Variants in MISP3 observed in about 807,000 individuals in gnomAD.
MISP3 encodes uncharacterized protein MISP3.
Under a neutral mutation model 5.5 loss-of-function variants are expected in MISP3, and 9 were observed. That is an observed-to-expected ratio of 1.65 (90% CI 0.99 to 2.87). MISP3 has a LOEUF of 2.87. MISP3 is among the 30% of genes most tolerant of loss of function. The pLI is 0.00. For synonymous variants in MISP3, 87 were observed against 38.1 expected, an observed-to-expected ratio of 2.28 and a Z score of -4.73; for missense variants, 152 against 84.1, an observed-to-expected ratio of 1.81 and a Z score of -3.16.
chr19:14,074,836 ATGAAATCGACTTGCCTTTG>A lies in MISP3; in HGVS notation c.*120_*138del. 1 of 665,454 alleles carries A rather than the reference ATGAAATCGACTTGCCTTTG, an allele frequency of 1.5e-6. No homozygotes were observed. 41.2% of individuals were successfully genotyped at this position (665,454 alleles called of 1,614,324 possible). ...GGGTCGGCTCTCTGCATTGGGGAAG[ATGAAATCGACTTGCCTTTG>A]TGAAATTGACCAGCCCCCTCTATAA... On this transcript the variant is annotated 3_prime_UTR_variant, in exon 3 of 3. Transcript: ENST00000587086. The surrounding 1 kb of genome is among the most constrained non-coding windows in gnomAD (Gnocchi z 4.4).
chr19:14,073,522 G>A lies in MISP3; in HGVS notation c.213G>A (p.Arg71=), dbSNP rs1474693549. 2 of 323,128 alleles carry A rather than the reference G, an allele frequency of 6.2e-6. No individual in the cohort carries two copies. The highest frequency in any genetic ancestry group is 1.1e-5 in the Non-Finnish European group (2 of 179,998). The allele number at this position is 323,128 out of a possible 1,614,324, so 20.0% of individuals were successfully genotyped here. A position where few individuals can be genotyped will look rare whatever the true frequency, so the allele number is the denominator to read the frequency against. The change falls in exon 1 of 3, where the codon CGG becomes CGA. Residue 71 remains arginine (R), a synonymous_variant. Coordinates refer to ENST00000587086, the MANE Select transcript of MISP3 (RefSeq NM_001291291.2). The surrounding 1 kb of genome is among the most constrained non-coding windows in gnomAD (Gnocchi z 8.5). The part of the protein sequence containing the change: ...AGAQMQRDIE[R]EAHRQAALAR... ...CGCAGATGCAGCGGGACATCGAGCG[G>A]GAGGCCCACCGGCAGGCGGCGCTGG...
rs1484331314 is a variant in MISP3 at position 14,073,730 on chromosome 19, G to A, written c.421G>A (p.Val141Met). 1.5e-5 allele frequency: 10 copies of A among 682,802 alleles called. No individual in the cohort carries two copies. Among genetic ancestry groups the A allele is most frequent in the Non-Finnish European group, 2.7e-5 (10 of 376,440 alleles). The allele number at this position is 682,802 out of a possible 1,614,324, so 42.3% of individuals were successfully genotyped here. A position where few individuals can be genotyped will look rare whatever the true frequency, so the allele number is the denominator to read the frequency against. Reference sequence around the variant, plus strand: ...CTCGGCCGTGCAGGGCGGGTGCCGGGTGCTGGGCAGCGCCCCGCCGCCTTT... The same window carrying A: ...CTCGGCCGTGCAGGGCGGGTGCCGGATGCTGGGCAGCGCCCCGCCGCCTTT... Reference protein sequence around the residue: ...PRSAVQGGCRVLGSAPPPFTP... With the variant: ...PRSAVQGGCRMLGSAPPPFTP... Residue 141 changes from valine to methionine, a missense_variant, in exon 1 of 3, where the codon GTG (valine) becomes ATG (methionine). By Grantham distance (21) the Val-to-Met change is conservative. Transcript: ENST00000587086. The surrounding 1 kb of genome is among the most constrained non-coding windows in gnomAD (Gnocchi z 8.5).
In MISP3 at chr19:14,073,304, C is replaced by T. The variant is rs1340357201; in HGVS notation, c.-6C>T. On this transcript the variant is annotated 5_prime_UTR_variant, in exon 1 of 3. Coordinates refer to ENST00000587086, the MANE Select transcript of MISP3 (RefSeq NM_001291291.2). This position sits in a 1 kb window ranked among gnomAD's most constrained non-coding sequence, Gnocchi z 8.5. ...GGCTCCCCAGCGTCCCCCGGAGGAG[C>T]GGTTCATGGAGACGCCCATCGAGCG... is the stretch of plus-strand genomic sequence containing the variant. 8.6e-6 allele frequency: 6 copies of T among 695,928 alleles called. No homozygotes were observed. The highest frequency in any genetic ancestry group is 1.6e-5 in the Non-Finnish European group (6 of 380,612). The allele number at this position is 695,928 out of a possible 1,614,324, so 43.1% of individuals were successfully genotyped here. A position where few individuals can be genotyped will look rare whatever the true frequency, so the allele number is the denominator to read the frequency against.
chr19:14,073,424 G>T lies in MISP3; in HGVS notation c.115G>T (p.Val39Leu). ...AGGCCGTGAACTCGTCGAGCTGCGC[G>T]TGCGGCCGGTGCTCAACCTGCCGGG... The part of the protein sequence containing the change: ...RAGRELVELR[V>L]RPVLNLPGPG... The change falls in exon 1 of 3, where the codon GTG (valine) becomes TTG (leucine). Residue 39 changes from valine (V) to leucine (L), a missense_variant. Physicochemically the swap from Val to Leu is conservative, Grantham distance 32 (BLOSUM62 1). Transcript: ENST00000587086. This position sits in a 1 kb window ranked among gnomAD's most constrained non-coding sequence, Gnocchi z 8.5. 1.5e-6 allele frequency: 1 copy of T among 668,934 alleles called. No individual in the cohort carries two copies. The highest frequency in any genetic ancestry group is 2.7e-6 in the Non-Finnish European group (1 of 371,234). 41.4% of individuals were successfully genotyped at this position (668,934 alleles called of 1,614,324 possible). A position where few individuals can be genotyped will look rare whatever the true frequency, so the allele number is the denominator to read the frequency against.
rs1976656665 is a variant in MISP3 at position 14,074,489 on chromosome 19, T to G, written c.642+26T>G. ...GTGGGAGCCCCCTTACCCGTGTGCCTCTAGCGCTTGTCGGTCCCCCCACCC... is the reference window on the plus strand; with the variant it reads ...GTGGGAGCCCCCTTACCCGTGTGCCGCTAGCGCTTGTCGGTCCCCCCACCC... On this transcript the variant is annotated intron_variant, in intron 2 of 2. Coordinates refer to ENST00000587086, the MANE Select transcript of MISP3 (RefSeq NM_001291291.2). This position sits in a 1 kb window ranked among gnomAD's most constrained non-coding sequence, Gnocchi z 4.4. 5.7e-6 allele frequency: 4 copies of G among 698,312 alleles called. No homozygotes were observed. Among genetic ancestry groups the G allele is most frequent in the Non-Finnish European group, 1.0e-5 (4 of 382,238 alleles). The allele number at this position is 698,312 out of a possible 1,614,324, so 43.3% of individuals were successfully genotyped here. A position where few individuals can be genotyped will look rare whatever the true frequency, so the allele number is the denominator to read the frequency against.
Position 14,073,041 on chromosome 19 carries a change from T to G in MISP3, c.-269T>G. 5.4e-6 allele frequency: 3 copies of G among 552,618 alleles called. No individual in the cohort carries two copies. Among genetic ancestry groups the G allele is most frequent in the East Asian group, 4.3e-5 (1 of 23,474 alleles). The allele number at this position is 552,618 out of a possible 1,614,324, so 34.2% of individuals were successfully genotyped here. A position where few individuals can be genotyped will look rare whatever the true frequency, so the allele number is the denominator to read the frequency against. On this transcript the variant is annotated 5_prime_UTR_variant, in exon 1 of 3. Coordinates refer to ENST00000587086, the MANE Select transcript of MISP3 (RefSeq NM_001291291.2). The surrounding 1 kb of genome is among the most constrained non-coding windows in gnomAD (Gnocchi z 8.5). ...GTCCCCAAGCCCTCCGCAAAGGACG[T>G]GGAGATCCTGGAGCAAGAGAGCGAA...
rs983414244 is a variant in MISP3, at chr19:14,073,342, C to T, written c.33C>T (p.Arg11=). 4.3e-6 allele frequency: 3 copies of T among 699,884 alleles called. No homozygotes were observed. In the East Asian group the frequency reaches 8.1e-5, roughly 19 times the overall value. 43.4% of individuals were successfully genotyped at this position (699,884 alleles called of 1,614,324 possible). Residue 11 remains arginine, a synonymous_variant, in exon 1 of 3, where the codon CGC becomes CGT. Transcript: ENST00000587086. The surrounding 1 kb of genome is among the most constrained non-coding windows in gnomAD (Gnocchi z 8.5). ...CGCCCATCGAGCGCGAAATCCGCCG[C>T]AGCTGCGAACGCGAGGAGAGCCTGC... is the stretch of plus-strand genomic sequence containing the variant. METPIEREIR[R]SCEREESLRR... is the part of the protein sequence containing the mutation.
In MISP3 at chr19:14,073,840, C is replaced by T; in HGVS notation, c.531C>T (p.Gly177=). The T allele has an allele frequency of 1.4e-6, 1 of 701,966 alleles. No individual in the cohort carries two copies. Among genetic ancestry groups the T allele is most frequent in the Middle Eastern group, 2.3e-4 (1 of 4,360 alleles). The allele number at this position is 701,966 out of a possible 1,614,324, so 43.5% of individuals were successfully genotyped here. A position where few individuals can be genotyped will look rare whatever the true frequency, so the allele number is the denominator to read the frequency against. The part of the protein sequence containing the change: ...ELQRQRRSVY[G]TAEFKEPTPS... ...AGCGCCAGCGGCGCAGCGTCTATGG[C>T]ACCGCGGAGTTCAAGGAGCCTACGC... Residue 177 remains glycine, a synonymous_variant, in exon 1 of 3, where the codon GGC becomes GGT. Transcript: ENST00000587086. The surrounding 1 kb of genome is among the most constrained non-coding windows in gnomAD (Gnocchi z 8.5).
rs1976660051 is a variant in MISP3, at chr19:14,074,673, A to T, written c.643-33A>T. ...CCTGGATGCAGTGCGCAGGTCCCTG[A>T]GGCCGGCCTTCCTTCTGGTCCTCTG... On this transcript the variant is annotated intron_variant, in intron 2 of 2. Transcript: ENST00000587086. The surrounding 1 kb of genome is among the most constrained non-coding windows in gnomAD (Gnocchi z 4.4). 1 of 701,002 alleles carries T rather than the reference A, an allele frequency of 1.4e-6. No homozygotes were observed. The highest frequency in any genetic ancestry group is 2.6e-6 in the Non-Finnish European group (1 of 383,494). 43.4% of individuals were successfully genotyped at this position (701,002 alleles called of 1,614,324 possible).
At position 14,075,024 on chromosome 19, in the gene MISP3, A is replaced by C. The variant is rs1033357232; in HGVS notation, c.*301A>C. 5 of 317,174 alleles carry C rather than the reference A, an allele frequency of 1.6e-5. No individual in the cohort carries two copies. The highest frequency in any genetic ancestry group is 1.0e-4 in the East Asian group (2 of 19,336). 19.6% of individuals were successfully genotyped at this position (317,174 alleles called of 1,614,324 possible). A position where few individuals can be genotyped will look rare whatever the true frequency, so the allele number is the denominator to read the frequency against. On this transcript the variant is annotated 3_prime_UTR_variant, in exon 3 of 3. Transcript: ENST00000587086. ...CCGGAGTTACCGCCTCGATTGCCCC[A>C]CTCCCCCCACCCCCAATAAAGCCTC...
rs1161501104 is a variant in MISP3 at position 14,073,893 on chromosome 19, A to T, written c.568+16A>T. ...AGCCTCACCGGTAAGCCGCGGGCGT[A>T]GCAACGCCGGGACCCCCAGGGTTCC... On this transcript the variant is annotated intron_variant, in intron 1 of 2. Coordinates refer to ENST00000587086, the MANE Select transcript of MISP3 (RefSeq NM_001291291.2). The surrounding 1 kb of genome is among the most constrained non-coding windows in gnomAD (Gnocchi z 8.5). 1 of 666,486 alleles carries T rather than the reference A, an allele frequency of 1.5e-6. No individual in the cohort carries two copies. The highest frequency in any genetic ancestry group is 2.8e-5 in the East Asian group (1 of 36,180). 41.3% of individuals were successfully genotyped at this position (666,486 alleles called of 1,614,324 possible).
chr19:14,074,464 G>A lies in MISP3; in HGVS notation c.642+1G>A, dbSNP rs983980649. ...GGTCTCGGAGAACGGCCTGGAGCAG[G>A]TGGGAGCCCCCTTACCCGTGTGCCT... On this transcript the variant is annotated splice_donor_variant, in intron 2 of 2. Coordinates refer to ENST00000587086, the MANE Select transcript of MISP3 (RefSeq NM_001291291.2). LOFTEE classifies it high-confidence loss of function. The surrounding 1 kb of genome is among the most constrained non-coding windows in gnomAD (Gnocchi z 4.4). 3 of 702,528 alleles carry A rather than the reference G, an allele frequency of 4.3e-6. No individual in the cohort carries two copies. The African/African-American group carries it at 5.2e-5, about 12-fold the overall frequency. 43.5% of individuals were successfully genotyped at this position (702,528 alleles called of 1,614,324 possible). A position where few individuals can be genotyped will look rare whatever the true frequency, so the allele number is the denominator to read the frequency against.
Position 14,074,615 on chromosome 19 carries a change from C to T in MISP3, c.643-91C>T. On this transcript the variant is annotated intron_variant, in intron 2 of 2. Transcript: ENST00000587086. The surrounding 1 kb of genome is among the most constrained non-coding windows in gnomAD (Gnocchi z 4.4). ...ACGCATCCCCGGGGTGAAGAGGAGA[C>T]GGTGGTCTTGAGGCCCAAACCGCCA... 1 of 689,356 alleles carries T rather than the reference C, an allele frequency of 1.5e-6. No homozygotes were observed. Among genetic ancestry groups the T allele is most frequent in the East Asian group, 2.7e-5 (1 of 36,810 alleles). The allele number at this position is 689,356 out of a possible 1,614,324, so 42.7% of individuals were successfully genotyped here.
rs1245146421 is a variant in MISP3 at position 14,074,230 on chromosome 19, G to C, written c.569-160G>C. ...TTCGGGCTCCTGCTTCTCCATTCTGGGTTCACCTCCCTCCTCCCTCGGGTT... is the reference window on the plus strand; with the variant it reads ...TTCGGGCTCCTGCTTCTCCATTCTGCGTTCACCTCCCTCCTCCCTCGGGTT... On this transcript the variant is annotated intron_variant, in intron 1 of 2. Coordinates refer to ENST00000587086, the MANE Select transcript of MISP3 (RefSeq NM_001291291.2). The surrounding 1 kb of genome is among the most constrained non-coding windows in gnomAD (Gnocchi z 4.4). The C allele has an allele frequency of 1.7e-6, 1 of 603,974 alleles. No individual in the cohort carries two copies. Among genetic ancestry groups the C allele is most frequent in the Non-Finnish European group, 3.0e-6 (1 of 338,244 alleles). The allele number at this position is 603,974 out of a possible 1,614,324, so 37.4% of individuals were successfully genotyped here.
Position 14,074,332 on chromosome 19 carries a change from G to A in MISP3, c.569-58G>A, listed in dbSNP as rs1174002556. On this transcript the variant is annotated intron_variant, in intron 1 of 2. Coordinates refer to ENST00000587086, the MANE Select transcript of MISP3 (RefSeq NM_001291291.2). The surrounding 1 kb of genome is among the most constrained non-coding windows in gnomAD (Gnocchi z 4.4). ...CGCCTGTGTGTGTTTAAGGGGTGCG[G>A]CCGGCCTTTCATCCTGGCTGCCGCC... The A allele has an allele frequency of 4.3e-6, 3 of 698,822 alleles. No individual in the cohort carries two copies. The East Asian group carries it at 8.0e-5, about 19-fold the overall frequency. The allele number at this position is 698,822 out of a possible 1,614,324, so 43.3% of individuals were successfully genotyped here. A position where few individuals can be genotyped will look rare whatever the true frequency, so the allele number is the denominator to read the frequency against.
rs1039750571 is a variant in MISP3, at chr19:14,073,362, G to A, written c.53G>A (p.Ser18Asn). 21 of 698,950 alleles carry A rather than the reference G, an allele frequency of 3.0e-5. No individual in the cohort carries two copies. The highest frequency in any genetic ancestry group is 2.4e-4 in the Middle Eastern group (1 of 4,248). The allele number at this position is 698,950 out of a possible 1,614,324, so 43.3% of individuals were successfully genotyped here. The change falls in exon 1 of 3, where the codon AGC (serine) becomes AAC (asparagine). Residue 18 changes from serine to asparagine, a missense_variant. Physicochemically the swap from Ser to Asn is conservative, Grantham distance 46. Transcript: ENST00000587086. The surrounding 1 kb of genome is among the most constrained non-coding windows in gnomAD (Gnocchi z 8.5). ...CGCCGCAGCTGCGAACGCGAGGAGA[G>A]CCTGCGCCGGAGCCGGGGCCTGAGC... ...EIRRSCEREE[S>N]LRRSRGLSPG...
In MISP3 at chr19:14,073,421, C is replaced by A. The variant is rs931743754; in HGVS notation, c.112C>A (p.Arg38Ser). Residue 38 changes from arginine to serine, a missense_variant, in exon 1 of 3, where the codon CGC becomes AGC. Coordinates refer to ENST00000587086, the MANE Select transcript of MISP3 (RefSeq NM_001291291.2). This position sits in a 1 kb window ranked among gnomAD's most constrained non-coding sequence, Gnocchi z 8.5. ...GRAGRELVEL[R>S]VRPVLNLPGP... is the part of the protein sequence containing the mutation. ...CGCAGGCCGTGAACTCGTCGAGCTGCGCGTGCGGCCGGTGCTCAACCTGCC... is the reference window on the plus strand; with the variant it reads ...CGCAGGCCGTGAACTCGTCGAGCTGAGCGTGCGGCCGGTGCTCAACCTGCC... 4 of 670,528 alleles carry A rather than the reference C, an allele frequency of 6.0e-6. No individual in the cohort carries two copies. The highest frequency in any genetic ancestry group is 1.9e-5 in the African/African-American group (1 of 53,752). 41.5% of individuals were successfully genotyped at this position (670,528 alleles called of 1,614,324 possible).
rs1976634775 is a variant in MISP3 at position 14,073,777 on chromosome 19, G to A, written c.468G>A (p.Gln156=). The change falls in exon 1 of 3, where the codon CAG becomes CAA. Residue 156 remains glutamine, a synonymous_variant. Transcript: ENST00000587086. The surrounding 1 kb of genome is among the most constrained non-coding windows in gnomAD (Gnocchi z 8.5). ...CTTTCACTCCGTCACTGCTGGAGCAGGAGGTGCGCGCCGTGCGCGAGCGCG... is the reference window on the plus strand; with the variant it reads ...CTTTCACTCCGTCACTGCTGGAGCAAGAGGTGCGCGCCGTGCGCGAGCGCG... The part of the protein sequence containing the change: ...PPPFTPSLLE[Q]EVRAVREREQ... The A allele has an allele frequency of 1.4e-6, 1 of 700,478 alleles. No homozygotes were observed. The allele number at this position is 700,478 out of a possible 1,614,324, so 43.4% of individuals were successfully genotyped here.
Position 14,074,164 on chromosome 19 carries a change from C to G in MISP3, c.569-226C>G, listed in dbSNP as rs1331064106. 1.7e-6 allele frequency: 1 copy of G among 593,982 alleles called. No individual in the cohort carries two copies. Among genetic ancestry groups the G allele is most frequent in the Non-Finnish European group, 3.0e-6 (1 of 334,580 alleles). 36.8% of individuals were successfully genotyped at this position (593,982 alleles called of 1,614,324 possible). On this transcript the variant is annotated intron_variant, in intron 1 of 2. Coordinates refer to ENST00000587086, the MANE Select transcript of MISP3 (RefSeq NM_001291291.2). This position sits in a 1 kb window ranked among gnomAD's most constrained non-coding sequence, Gnocchi z 4.4. ...TCCTTTTTGTCGGGTTCCAGGGAAC[C>G]CTGACTGGGTTCTGGCACTCCTGGG...
Sources: gnomAD v4.1 joint callset for allele counts on GRCh38, gnomAD v4.1.1 for gene constraint, Gnocchi (gnomAD v3.1) non-coding constraint, MANE v1.5 for transcripts, NCBI Gene and HGNC (gene_info 2026-07-23, HGNC 2026-07-21) for gene names.